Variants in KRABD3 observed in about 807,000 individuals in gnomAD.
The protein encoded by KRABD3 is KRAB domain containing 3.
chr7:149,733,791 C>T, the KRABD3 span: 4 of 1,603,156 alleles, frequency 2.5e-6, no homozygotes, highest in Non-Finnish European at 3.4e-6. Flanking sequence ...GCTGCGCCGC[C>T]TGCACACCCC....
chr7:149,729,487 G>A, the KRABD3 span: 1 of 1,270,270 alleles, frequency 7.9e-7, no homozygotes, highest in South Asian at 3.2e-5. Context: ...CCTTTCCCCA[G>A]AGGACAGAAG....
chr7:149,725,523 C>T, the KRABD3 span: 1 of 1,562,026 alleles, frequency 6.4e-7, no homozygotes, highest in Non-Finnish European at 8.7e-7. Context: ...GTGGCATGTC[C>T]CTGAGCGTGG....
the KRABD3 span, chr7:149,722,585 G>T: frequency 6.3e-7 from 1 of 1,596,550 alleles, no homozygotes; most frequent in Non-Finnish European, 8.6e-7. Flanking sequence ...GTGGGGTAGC[G>T]ATGGGGAAGT....
the KRABD3 span, among the ~76,000 whole-genome samples, chr7:149,717,092 TC>T: frequency 6.6e-6 from 1 of 152,136 alleles, no homozygotes; most frequent in Admixed American, 6.5e-5. Context: ...AATGGCCACA[TC>T]AGGTCAGCAG....
chr7:149,728,666 G>C, the KRABD3 span: 4 of 1,613,476 alleles, frequency 2.5e-6, no homozygotes, highest in Non-Finnish European at 3.4e-6. Context: ...CTGGACAGCA[G>C]ACAAGGAAGG....
chr7:149,730,823 A>G, the KRABD3 span: 2 of 540,380 alleles, frequency 3.7e-6, no homozygotes, highest in Non-Finnish European at 6.6e-6. Flanking sequence ...TGCGCTTGCT[A>G]ATATACACGT....
chr7:149,718,657 T>G, the KRABD3 span, among the ~76,000 whole-genome samples: 1 of 151,784 alleles, frequency 6.6e-6, no homozygotes, highest in Admixed American at 6.6e-5. Flanking sequence ...TAGCTGAGAT[T>G]ACAGGCGCCC....
At chr7:149,723,902 C>T in the KRABD3 span, 30 of 1,611,972 alleles carry the variant, frequency 1.9e-5, no homozygotes, top group Admixed American at 3.3e-5. Flanking sequence ...AAAGGCTTCT[C>T]GCTGGGCTGG....
the KRABD3 span, among the ~76,000 whole-genome samples, chr7:149,716,306 C>T: frequency 4.6e-5 from 7 of 152,228 alleles, no homozygotes; most frequent in African/African-American, 1.7e-4. Flanking sequence ...CAGTGTGCAG[C>T]TATGAGCTAG....
the KRABD3 span, chr7:149,722,382 G>T: frequency 6.3e-7 from 1 of 1,575,768 alleles, no homozygotes; most frequent in Middle Eastern, 1.7e-4. Context: ...AGAGTCTGGA[G>T]CTGGGGCTAG....
chr7:149,727,041 G>A, the KRABD3 span, among the ~76,000 whole-genome samples: 1,823 of 152,294 alleles, frequency 0.012, 18 homozygotes, highest in Middle Eastern at 0.037. Flanking sequence ...ACATTTCAGC[G>A]TGTGCTTGGT....
At chr7:149,720,090 T>C in the KRABD3 span, 1 of 1,553,078 alleles carries the variant, frequency 6.4e-7, no homozygotes, top group Non-Finnish European at 8.7e-7. Context: ...GCCACGCTGA[T>C]GAGGGGCAGG....
the KRABD3 span, among the ~76,000 whole-genome samples, chr7:149,727,536 A>T: frequency 2.0e-5 from 3 of 152,184 alleles, no homozygotes; most frequent in Non-Finnish European, 4.4e-5. Context: ...AGAGGGCAGC[A>T]TCTATACATG....
At chr7:149,724,029 T>A in the KRABD3 span, 1 of 869,792 alleles carries the variant, frequency 1.1e-6, no homozygotes. Context: ...ATGCGGGGGA[T>A]CCCCACTGTG....
the KRABD3 span, among the ~76,000 whole-genome samples, chr7:149,717,194 C>G: frequency 6.6e-6 from 1 of 152,342 alleles, no homozygotes; most frequent in South Asian, 2.1e-4. Context: ...ATCAGAATGT[C>G]ATGTGGGAAC....
chr7:149,730,104 C>T, the KRABD3 span: 2 of 1,452,226 alleles, frequency 1.4e-6, no homozygotes, highest in South Asian at 2.9e-5. Context: ...AGACCTGGCT[C>T]TCTTCAGGCT....
At chr7:149,729,732 C>A in the KRABD3 span, 24 of 985,350 alleles carry the variant, frequency 2.4e-5, no homozygotes, top group South Asian at 4.7e-5. Flanking sequence ...TGAATAAATG[C>A]GGTTTTGCTG....
At chr7:149,718,154 C>T in the KRABD3 span, among the ~76,000 whole-genome samples, 2 of 151,998 alleles carry the variant, frequency 1.3e-5, no homozygotes, top group Non-Finnish European at 2.9e-5. Context: ...CGCCTGTAAT[C>T]CTAGCACTTT....
the KRABD3 span, chr7:149,733,478 C>A: frequency 6.3e-7 from 1 of 1,580,506 alleles, no homozygotes; most frequent in Non-Finnish European, 8.6e-7. Context: ...GGGGAGGCGC[C>A]CCCAAGGCCC....
Sources: allele counts gnomAD v4.1 joint callset (sites outside exome capture counted in the v4.1 genomes callset), GRCh38; gene constraint gnomAD v4.1.1; transcripts MANE v1.5; gene names NCBI Gene and HGNC (gene_info 2026-07-23, HGNC 2026-07-21).